TIRAP: variants seen among roughly 807,000 people sequenced by gnomAD.
TIRAP encodes the protein TIR domain containing adaptor protein.
A neutral mutation model predicts 19.8 loss-of-function variants in TIRAP; 20 were observed. The ratio of observed to expected loss-of-function variants is 1.01; its 90% CI spans 0.71 to 1.47. The LOEUF (loss-of-function observed/expected upper bound fraction) is 1.47, where lower values mean the gene tolerates loss of function less well. Ranked by LOEUF, TIRAP falls within the 40% of genes most tolerant of loss-of-function variation. TIRAP has a pLI of 0.00. For missense variants in TIRAP, 276 were observed against 285.1 expected (o/e 0.97, Z 0.23); for synonymous variants, 125 against 121.7 (o/e 1.03, Z -0.18).
In TIRAP at chr11:126,294,894, AAG is replaced by A. The variant is rs1951455255; in HGVS notation, c.*1209_*1210del. ...GTGGATCACCTGAGGTCAGGAGTTCAAGACTAGCCTGGCCAATATGGTGAAAC... is the reference window on the plus strand; with the variant it reads ...GTGGATCACCTGAGGTCAGGAGTTCAACTAGCCTGGCCAATATGGTGAAAC... On this transcript the variant is annotated 3_prime_UTR_variant, in exon 5 of 5. Transcript: ENST00000392679. The A allele has an allele frequency of 9.7e-6, 2 of 206,418 alleles. No individual in the cohort carries two copies. The highest frequency in any genetic ancestry group is 1.1e-4 in the Admixed American group (2 of 18,502). 12.8% of individuals were successfully genotyped at this position (206,418 alleles called of 1,614,324 possible).
rs1181472638 is a variant in TIRAP at position 126,290,920 on chromosome 11, C to G, written c.26C>G (p.Ala9Gly). The G allele has an allele frequency of 1.2e-6, 2 of 1,607,366 alleles. No homozygotes were observed. The highest frequency in any genetic ancestry group is 1.7e-6 in the Non-Finnish European group (2 of 1,176,574). The change falls in exon 3 of 5, where the codon GCT (alanine) becomes GGT (glycine). Residue 9 changes from alanine (A) to glycine (G), a missense_variant. Ala to Gly is a moderately conservative substitution (Grantham distance 60). Transcript: ENST00000392679. This position sits in a 1 kb window ranked among gnomAD's most constrained non-coding sequence, Gnocchi z 4.9. Reference protein sequence around the residue: MASSTSLPAPGSRPKKPLG... With the variant: MASSTSLPGPGSRPKKPLG... ...ATGGCATCATCGACCTCCCTCCCAGCTCCTGGCTCTCGGCCTAAGAAGCCT... is the reference window on the plus strand; with the variant it reads ...ATGGCATCATCGACCTCCCTCCCAGGTCCTGGCTCTCGGCCTAAGAAGCCT...
chr11:126,293,103 T>C (rs777219128), intron 4 of TIRAP, 48 bp downstream of exon 4: 1 of 1,612,528 alleles, frequency 6.2e-7, no homozygotes, highest in Non-Finnish European at 8.5e-7. Context: ...AGCTACAGTA[T>C]CTGATCTACT....
chr11:126,291,414 C>G lies in TIRAP; in HGVS notation c.67+453C>G, dbSNP rs1239316975. On this transcript the variant is annotated intron_variant, in intron 3 of 4. Coordinates refer to ENST00000392679, the MANE Select transcript of TIRAP (RefSeq NM_001318777.2). This position sits in a 1 kb window ranked among gnomAD's most constrained non-coding sequence, Gnocchi z 5.6. ...CCAAACACAGACCTGAGCAGTGTTT[C>G]TCCCCCACAGACTGGTTCAGGCAGA... 1 of 1,323,992 alleles carries G rather than the reference C, an allele frequency of 7.6e-7. No homozygotes were observed. The highest frequency in any genetic ancestry group is 5.0e-5 in the East Asian group (1 of 20,068). 82.0% of individuals were successfully genotyped at this position (1,323,992 alleles called of 1,614,324 possible). A position where few individuals can be genotyped will look rare whatever the true frequency, so the allele number is the denominator to read the frequency against.
chr11:126,283,291 G>C (rs1379365951), intron 1 of TIRAP, 138 bp downstream of exon 1: 2 of 317,684 alleles, frequency 6.3e-6, no homozygotes, highest in Non-Finnish European at 9.1e-6. Context: ...CTCTGGTCCG[G>C]CCTTGCCCTG....
In TIRAP at chr11:126,283,101, C is replaced by T. The variant is rs1343252092; in HGVS notation, c.-269C>T. On this transcript the variant is annotated 5_prime_UTR_variant, in exon 1 of 5. Coordinates refer to ENST00000392679, the MANE Select transcript of TIRAP (RefSeq NM_001318777.2). Reference sequence around the variant, plus strand: ...GCGGGGCCTGCGCGCTGCTCTTCCCCGCGGAGCCCGCGCAGTCCGCGCAGC... The same window carrying T: ...GCGGGGCCTGCGCGCTGCTCTTCCCTGCGGAGCCCGCGCAGTCCGCGCAGC... 1 of 985,240 alleles carries T rather than the reference C, an allele frequency of 1.0e-6. No homozygotes were observed. Among genetic ancestry groups the T allele is most frequent in the South Asian group, 4.7e-5 (1 of 21,294 alleles). The allele number at this position is 985,240 out of a possible 1,614,324, so 61.0% of individuals were successfully genotyped here.
In TIRAP at chr11:126,291,998, C is replaced by A. The variant is rs1156381851; in HGVS notation, c.68-479C>A. ...TTTAGAGGGCACTTTTAGGCAAGTC[C>A]CAAAAGATAAACAAAAATAGCAGAG... On this transcript the variant is annotated intron_variant, in intron 3 of 4. Transcript: ENST00000392679. This position sits in a 1 kb window ranked among gnomAD's most constrained non-coding sequence, Gnocchi z 5.6. 1.3e-5 allele frequency among the ~76,000 whole-genome samples: 2 copies of A among 151,852 alleles called. No individual in the cohort carries two copies. Among genetic ancestry groups the A allele is most frequent in the African/African-American group, 4.8e-5 (2 of 41,252 alleles).
Position 126,288,132 on chromosome 11 carries a change from G to A in TIRAP, c.-216-2330G>A, listed in dbSNP as rs60039687. 4.7e-3 allele frequency among the ~76,000 whole-genome samples: 709 copies of A among 152,200 alleles called. 4 individuals are homozygous for A. The highest frequency in any genetic ancestry group is 0.015 in the African/African-American group (631 of 41,522). On this transcript the variant is annotated intron_variant, in intron 1 of 4. Coordinates refer to ENST00000392679, the MANE Select transcript of TIRAP (RefSeq NM_001318777.2). The surrounding 1 kb of genome is among the most constrained non-coding windows in gnomAD (Gnocchi z 5.0). ...TGAGCTCACATGATCTGCCCACCTCGGCCTCCCAAAGTGCTGGGATTACAG... is the reference window on the plus strand; with the variant it reads ...TGAGCTCACATGATCTGCCCACCTCAGCCTCCCAAAGTGCTGGGATTACAG...
chr11:126,293,734 C>G lies in TIRAP; in HGVS notation c.*47C>G. On this transcript the variant is annotated 3_prime_UTR_variant, in exon 5 of 5. Coordinates refer to ENST00000392679, the MANE Select transcript of TIRAP (RefSeq NM_001318777.2). ...CCGGAAATTGGAGTGAAGCTAGAAA[C>G]AGAAAACCCATGCAGGGCCTCGGAT... 1 of 1,608,916 alleles carries G rather than the reference C, an allele frequency of 6.2e-7. No individual in the cohort carries two copies. The highest frequency in any genetic ancestry group is 8.5e-7 in the Non-Finnish European group (1 of 1,175,286).
rs922204718 is a variant in TIRAP, at chr11:126,287,785, G to A, written c.-216-2677G>A. On this transcript the variant is annotated intron_variant, in intron 1 of 4. Coordinates refer to ENST00000392679, the MANE Select transcript of TIRAP (RefSeq NM_001318777.2). This position sits in a 1 kb window ranked among gnomAD's most constrained non-coding sequence, Gnocchi z 4.2. ...CTTTATTTTTTTGAGATCGAGTCTCGCTCTGTCACCCAGGCTGGAGCACAG... is the reference window on the plus strand; with the variant it reads ...CTTTATTTTTTTGAGATCGAGTCTCACTCTGTCACCCAGGCTGGAGCACAG... Among the ~76,000 whole-genome samples the A allele has an allele frequency of 6.6e-6, 1 of 151,894 alleles. No homozygotes were observed. Among genetic ancestry groups the A allele is most frequent in the South Asian group, 2.1e-4 (1 of 4,820 alleles).
Position 126,292,825 on chromosome 11 carries a change from G to A in TIRAP, c.416G>A (p.Ser139Asn). 3.1e-6 allele frequency: 5 copies of A among 1,612,854 alleles called. No homozygotes were observed. Among genetic ancestry groups the A allele is most frequent in the South Asian group, 1.1e-5 (1 of 90,876 alleles). ...TCCGAGCTGTGCCAGGCACTGAGCA[G>A]TAGTCACTGCCGGGTGCTGCTCATC... ...IVSELCQALS[S>N]SHCRVLLITP... The change falls in exon 4 of 5, where the codon AGT (serine) becomes AAT (asparagine). Residue 139 changes from serine (S) to asparagine (N), a missense_variant. By Grantham distance (46) the Ser-to-Asn change is conservative. Transcript: ENST00000392679.
rs759677196 is a variant in TIRAP at position 126,292,492 on chromosome 11, C to A, written c.83C>A (p.Thr28Asn). 5 of 1,613,862 alleles carry A rather than the reference C, an allele frequency of 3.1e-6. No individual in the cohort carries two copies. The highest frequency in any genetic ancestry group is 1.1e-5 in the South Asian group (1 of 91,052). The change falls in exon 4 of 5, where the codon ACC becomes AAC. Residue 28 changes from threonine to asparagine, a missense_variant. Physicochemically the swap from Thr to Asn is moderately conservative, Grantham distance 65 (BLOSUM62 0). Coordinates refer to ENST00000392679, the MANE Select transcript of TIRAP (RefSeq NM_001318777.2). ...LGKMADWFRQTLLKKPKKRPN... is the reference protein window; with the variant it reads ...LGKMADWFRQNLLKKPKKRPN... The stretch of plus-strand genomic sequence containing the variant: ...TCCCCCACAGACTGGTTCAGGCAGA[C>A]CCTGCTGAAGAAGCCCAAGAAGAGG...
chr11:126,288,187 T>A lies in TIRAP; in HGVS notation c.-216-2275T>A, dbSNP rs1688880145. Among the ~76,000 whole-genome samples, 2 of 152,276 alleles carry A rather than the reference T, an allele frequency of 1.3e-5. No individual in the cohort carries two copies. Among genetic ancestry groups the A allele is most frequent in the African/African-American group, 4.8e-5 (2 of 41,480 alleles). ...GAGCCACTGAGCCCGTTCCCTTTAC[T>A]AATTTTCTATCAAGTCATAGTTCTT... On this transcript the variant is annotated intron_variant, in intron 1 of 4. Coordinates refer to ENST00000392679, the MANE Select transcript of TIRAP (RefSeq NM_001318777.2). The surrounding 1 kb of genome is among the most constrained non-coding windows in gnomAD (Gnocchi z 5.0).
At chr11:126,286,370 AAG>A (rs756329490) in intron 1 of TIRAP, among the ~76,000 whole-genome samples, 4 of 152,178 alleles carry the variant, frequency 2.6e-5, no homozygotes, top group Admixed American at 1.3e-4. Context: ...CTGAAAAAAA[AAG>A]AAAGTCATGG....
At chr11:126,293,479 T>C (rs934407377) in intron 4 of TIRAP, 189 bp from the exon 5 acceptor site, 5 of 762,432 alleles carry the variant, frequency 6.6e-6, no homozygotes, top group African/African-American at 3.4e-5. Flanking sequence ...AGGAGGGACA[T>C]TGGTTTAGTA....
chr11:126,293,657 G>T lies in TIRAP; in HGVS notation c.647-11G>T. On this transcript the variant is annotated splice_polypyrimidine_tract_variant and intron_variant, in intron 4 of 4. Transcript: ENST00000392679. ...GGGAGGTGTGACAACGCTGTGATTG[G>T]TCTCTTTCAGATCTGCAGACACTCA... The T allele has an allele frequency of 6.2e-7, 1 of 1,614,064 alleles. No homozygotes were observed. The highest frequency in any genetic ancestry group is 8.5e-7 in the Non-Finnish European group (1 of 1,179,962).
At position 126,292,629 on chromosome 11, in the gene TIRAP, G is replaced by T. The variant is rs1205092766; in HGVS notation, c.220G>T (p.Ala74Ser). The change falls in exon 4 of 5, where the codon GCG (alanine) becomes TCG (serine). Residue 74 changes from alanine (A) to serine (S), a missense_variant. Physicochemically the swap from Ala to Ser is moderately conservative, Grantham distance 99. Transcript: ENST00000392679. ...GTCTCCCAGCCTGCCACCCACACAT[G>T]CGAGTGACAGTGGCAGTAGTCGCTG... ...VTSPSLPPTH[A>S]SDSGSSRWSK... The T allele has an allele frequency of 3.1e-6, 5 of 1,614,172 alleles. No homozygotes were observed. Among genetic ancestry groups the T allele is most frequent in the Non-Finnish European group, 3.4e-6 (4 of 1,180,026 alleles).
In TIRAP at chr11:126,291,528, T is replaced by C. The variant is rs1389277149; in HGVS notation, c.67+567T>C. On this transcript the variant is annotated intron_variant, in intron 3 of 4. Transcript: ENST00000392679. This position sits in a 1 kb window ranked among gnomAD's most constrained non-coding sequence, Gnocchi z 5.6. ...GTTAACTTTCAGCAACTAAGACAGGTCCACAAGTCCACAGTCAAAGCCGTG... is the reference window on the plus strand; with the variant it reads ...GTTAACTTTCAGCAACTAAGACAGGCCCACAAGTCCACAGTCAAAGCCGTG... 1.4e-6 allele frequency: 1 copy of C among 716,964 alleles called. No homozygotes were observed. Among genetic ancestry groups the C allele is most frequent in the East Asian group, 6.4e-5 (1 of 15,612 alleles). 44.4% of individuals were successfully genotyped at this position (716,964 alleles called of 1,614,324 possible).
chr11:126,284,033 C>CTTTTTTTTTT (rs749115228), intron 1 of TIRAP, among the ~76,000 whole-genome samples: 3 of 113,202 alleles, frequency 2.7e-5, no homozygotes, highest in East Asian at 2.7e-4. Flanking sequence ...TCATGTACTT[C>CTTTTTTTTTT]TTTTTTTTTT....
chr11:126,291,221 C>T lies in TIRAP; in HGVS notation c.67+260C>T, dbSNP rs1951380642. Reference sequence around the variant, plus strand: ...CAGCTAGCTTTCCTAGCCTGGAAACCACTGTGCTGAGTGCTTAACACTGTC... The same window carrying T: ...CAGCTAGCTTTCCTAGCCTGGAAACTACTGTGCTGAGTGCTTAACACTGTC... On this transcript the variant is annotated intron_variant, in intron 3 of 4. Coordinates refer to ENST00000392679, the MANE Select transcript of TIRAP (RefSeq NM_001318777.2). The surrounding 1 kb of genome is among the most constrained non-coding windows in gnomAD (Gnocchi z 5.6). 6.7e-6 allele frequency: 4 copies of T among 594,634 alleles called. No homozygotes were observed. Among genetic ancestry groups the T allele is most frequent in the South Asian group, 6.0e-5 (3 of 50,242 alleles). The allele number at this position is 594,634 out of a possible 1,614,324, so 36.8% of individuals were successfully genotyped here.
Sources: allele counts gnomAD v4.1 joint callset (sites outside exome capture counted in the v4.1 genomes callset), GRCh38; gene constraint gnomAD v4.1.1; non-coding constraint Gnocchi (gnomAD v3.1); transcripts MANE v1.5; gene names NCBI Gene and HGNC (gene_info 2026-07-23, HGNC 2026-07-21).